Variants in XXYLT1 observed in about 807,000 individuals in gnomAD.
XXYLT1 encodes the protein UDP-xylose:alpha-xyloside alpha-1,3-xylosyltransferase.
In XXYLT1, 20 loss-of-function variants were observed where a neutral mutation model predicts 28.9. The ratio of observed to expected loss-of-function variants is 0.69; its 90% confidence interval spans 0.49 to 1.00. The LOEUF is 1.00. XXYLT1 is among the 50% of genes least tolerant of loss of function. The pLI, the probability that XXYLT1 is intolerant of heterozygous loss-of-function variation, is 0.00. For missense variants in XXYLT1, 542 were observed against 560.1 expected (o/e 0.97, Z 0.33); for synonymous variants, 257 against 253.8 (o/e 1.01, Z -0.12).
In XXYLT1 at chr3:195,110,282, GGTGTATGTGTGCGTGTGT is replaced by G. The variant is rs1560100650; in HGVS notation, c.786-40189_786-40172del. ...GTGTGTGGGTGTGTGGTGTGTGTGG[GGTGTATGTGTGCGTGTGT>G]GGTATATGTGTGTGTGGGTGAGGGT... On this transcript the variant is annotated intron_variant, in intron 3 of 3. Transcript: ENST00000310380. 1.8e-3 allele frequency among the ~76,000 whole-genome samples: 40 copies of G among 21,830 alleles called. 3 individuals carry two copies. Among genetic ancestry groups the G allele is most frequent in the African/African-American group, 2.2e-3 (15 of 6,706 alleles). 14.3% of individuals were successfully genotyped at this position (21,830 alleles called of 152,430 possible).
At chr3:195,246,302 C>T (rs1046591736) in intron 1 of XXYLT1, among the ~76,000 whole-genome samples, 3 of 152,242 alleles carry the variant, frequency 2.0e-5, no homozygotes, top group East Asian at 3.8e-4. Context: ...ATCCAGTGCC[C>T]TCTCTGTGCC....
At chr3:195,236,379 C>T (rs1724549008) in intron 1 of XXYLT1, among the ~76,000 whole-genome samples, 1 of 152,178 alleles carries the variant, frequency 6.6e-6, no homozygotes, top group Non-Finnish European at 1.5e-5. Flanking sequence ...TCCAGTACCA[C>T]CACAGGCCCA....
chr3:195,254,264 T>C (rs1032167430), intron 1 of XXYLT1, among the ~76,000 whole-genome samples: 4 of 152,168 alleles, frequency 2.6e-5, no homozygotes, highest in Non-Finnish European at 5.9e-5. Flanking sequence ...GCCCTGAAAC[T>C]GGGGTCAGCA....
rs1370737473 is a variant in XXYLT1, at chr3:195,143,834, A to C, written c.785+12615T>G. Among the ~76,000 whole-genome samples the C allele has an allele frequency of 4.7e-4, 40 of 85,604 alleles. 1 individual carries two copies. Among genetic ancestry groups the C allele is most frequent in the African/African-American group, 1.9e-3 (38 of 20,188 alleles). 56.2% of individuals were successfully genotyped at this position (85,604 alleles called of 152,430 possible). A position where few individuals can be genotyped will look rare whatever the true frequency, so the allele number is the denominator to read the frequency against. ...TATATAGATATAGATATATATAGATATAGATATAGATATATATATAGATAT... is the reference window on the plus strand; with the variant it reads ...TATATAGATATAGATATATATAGATCTAGATATAGATATATATATAGATAT... On this transcript the variant is annotated intron_variant, in intron 3 of 3. Coordinates refer to ENST00000310380, the MANE Select transcript of XXYLT1 (RefSeq NM_152531.5).
intron 1 of XXYLT1, among the ~76,000 whole-genome samples, chr3:195,243,185 G>C (rs985147509): frequency 1.3e-4 from 19 of 151,896 alleles, no homozygotes; most frequent in African/African-American, 4.4e-4. Context: ...ACAGCAAGGG[G>C]AACATCACAC....
intron 3 of XXYLT1, among the ~76,000 whole-genome samples, chr3:195,084,681 C>T (rs1477931001): frequency 1.3e-5 from 2 of 152,174 alleles, no homozygotes; most frequent in Non-Finnish European, 2.9e-5. Context: ...TTAAACCACC[C>T]AAGGATGTTC....
At chr3:195,167,105 C>T (rs73063108) in intron 2 of XXYLT1, among the ~76,000 whole-genome samples, 6,216 of 152,342 alleles carry the variant, frequency 0.041, 424 homozygotes, top group African/African-American at 0.14. Flanking sequence ...AGCGCCATGT[C>T]GGCAGGCACA....
chr3:195,119,321 A>T (rs927973178), intron 3 of XXYLT1, among the ~76,000 whole-genome samples: 2 of 151,442 alleles, frequency 1.3e-5, no homozygotes, highest in African/African-American at 4.9e-5. Context: ...TAACATATAT[A>T]GTGAAGCTGA....
intron 1 of XXYLT1, among the ~76,000 whole-genome samples, chr3:195,242,030 T>G (rs1325785887): frequency 1.3e-5 from 2 of 152,222 alleles, no homozygotes; most frequent in African/African-American, 4.8e-5. Context: ...TCGTATTCAT[T>G]GCTGCATATC....
At chr3:195,231,956 G>A (rs73067099) in intron 1 of XXYLT1, among the ~76,000 whole-genome samples, 5,121 of 152,140 alleles carry the variant, frequency 0.034, 251 homozygotes, top group African/African-American at 0.11. Context: ...AATAGTTTGA[G>A]TAGGGTTGGT....
chr3:195,253,339 AGGCGAAGC>A (rs1425512757), intron 1 of XXYLT1, among the ~76,000 whole-genome samples: 2 of 152,160 alleles, frequency 1.3e-5, no homozygotes, highest in Non-Finnish European at 2.9e-5. Context: ...AGAAATCAGG[AGGCGAAGC>A]GGCAAGATCC....
intron 3 of XXYLT1, among the ~76,000 whole-genome samples, chr3:195,148,545 T>C (rs1719998671): frequency 6.6e-6 from 1 of 152,160 alleles, no homozygotes; most frequent in Admixed American, 6.5e-5. Context: ...AGTCCTACAT[T>C]TATGCATCTC....
At chr3:195,177,526 T>G (rs1056497037) in intron 2 of XXYLT1, among the ~76,000 whole-genome samples, 1 of 152,182 alleles carries the variant, frequency 6.6e-6, no homozygotes, top group African/African-American at 2.4e-5. Context: ...GTAGGATCAA[T>G]GCACCAACTC....
chr3:195,260,858 A>G (rs1725676103), intron 1 of XXYLT1, among the ~76,000 whole-genome samples: 1 of 152,192 alleles, frequency 6.6e-6, no homozygotes, highest in South Asian at 2.1e-4. Context: ...GAAGCAGATG[A>G]GAGGGAAGCT....
intron 1 of XXYLT1, among the ~76,000 whole-genome samples, chr3:195,231,125 G>A (rs995996557): frequency 2.0e-5 from 3 of 151,878 alleles, no homozygotes; most frequent in Non-Finnish European, 2.9e-5. Context: ...TATTTTATTT[G>A]TAGCAATTAT....
At chr3:195,236,613 G>A (rs552436822) in intron 1 of XXYLT1, among the ~76,000 whole-genome samples, 3 of 151,942 alleles carry the variant, frequency 2.0e-5, no homozygotes, top group South Asian at 2.1e-4. Context: ...TCTAAGCTGC[G>A]AGACACAGTC....
intron 2 of XXYLT1, among the ~76,000 whole-genome samples, chr3:195,217,787 T>C (rs1262472805): frequency 4.6e-5 from 7 of 150,840 alleles, no homozygotes; most frequent in African/African-American, 1.7e-4. Flanking sequence ...TACCAATGAC[T>C]TTCTTCACAG....
At chr3:195,088,123 TGCCC>T (rs1715868217) in intron 3 of XXYLT1, among the ~76,000 whole-genome samples, 1 of 151,262 alleles carries the variant, frequency 6.6e-6, no homozygotes, top group East Asian at 2.0e-4. Context: ...CGCCCGCCAT[TGCCC>T]AGGCTTGATT....
At chr3:195,268,954 T>C (rs1348442125) in intron 1 of XXYLT1, among the ~76,000 whole-genome samples, 2 of 151,574 alleles carry the variant, frequency 1.3e-5, no homozygotes, top group Admixed American at 6.6e-5. Flanking sequence ...ACCAGGGAAG[T>C]AGAAAAGGAA....
Sources: allele counts gnomAD v4.1 joint callset (sites outside exome capture counted in the v4.1 genomes callset), GRCh38; gene constraint gnomAD v4.1.1; transcripts MANE v1.5; gene names NCBI Gene and HGNC (gene_info 2026-07-23, HGNC 2026-07-21).